The following ATP11C variants were observed in gnomAD, a reference collection of about 807,000 sequenced individuals.
ATP11C encodes ATPase phospholipid transporting 11C (ATP11C blood group).
In ATP11C, 36 loss-of-function variants were observed where a neutral mutation model predicts 97.4. The ratio of observed to expected loss-of-function variants is 0.37; its 90% confidence interval spans 0.28 to 0.49. ATP11C has a LOEUF of 0.49. Ranked by LOEUF, ATP11C falls within the 20% of genes least tolerant of loss-of-function variation. The pLI, the probability that ATP11C is intolerant of heterozygous loss-of-function variation, is 0.98. For missense variants in ATP11C, 730 were observed against 824.6 expected, an observed-to-expected ratio of 0.89 and a Z score of 1.40; for synonymous variants, 275 against 290.9, an observed-to-expected ratio of 0.95 and a Z score of 0.56.
At chrX:139,785,402 G>T in intron 15 of ATP11C, 103 bp from the exon 16 acceptor site, 1 of 571,396 alleles carries the variant, frequency 1.8e-6, no homozygotes, top group Non-Finnish European at 2.8e-6. Flanking sequence ...TCAACAGATA[G>T]CACTGGTTGT....
intron 26 of ATP11C, among the ~76,000 whole-genome samples, 197 bp downstream of exon 26, chrX:139,743,362 G>GA (rs771600598): frequency 2.7e-5 from 3 of 110,086 alleles, no homozygotes; most frequent in African/African-American, 6.6e-5. Context: ...ATATACTGGG[G>GA]AAAAAACTGA....
At position 139,835,147 on chromosome X, in the gene ATP11C, T is replaced by C. The variant is rs567212911; in HGVS notation, c.28-8324A>G. ...ACTCAAGGTTATGAGGTGAGATCAG[T>C]GTTGTATTTGTGACAATTTCTATCC... is the stretch of plus-strand genomic sequence containing the variant. On this transcript the variant is annotated intron_variant, in intron 1 of 29. Coordinates refer to ENST00000682941, the MANE Select transcript of ATP11C (RefSeq NM_001353812.2). Among the ~76,000 whole-genome samples the C allele has an allele frequency of 7.4e-4, 83 of 111,890 alleles. No individual in the cohort carries two copies. The South Asian group carries it at 0.013, about 18-fold the overall frequency.
chrX:139,918,288 T>C (rs910073321), intron 1 of ATP11C, among the ~76,000 whole-genome samples: 1 of 111,208 alleles, frequency 9.0e-6, no homozygotes, highest in Non-Finnish European at 1.9e-5. Flanking sequence ...AATATATATA[T>C]ACGCAATGAA....
intron 3 of ATP11C, 51 bp from the exon 4 acceptor site, chrX:139,816,994 C>A: frequency 1.2e-6 from 1 of 810,284 alleles, no homozygotes. Context: ...GTCATTAACT[C>A]ATATGCAGCA....
chrX:139,903,462 A>T (rs1392469010), intron 1 of ATP11C, among the ~76,000 whole-genome samples: 1 of 109,949 alleles, frequency 9.1e-6, no homozygotes, highest in African/African-American at 3.3e-5. Context: ...GTAAGCTTCC[A>T]GATAGCTGAC....
chrX:139,727,566 A>G lies in ATP11C; in HGVS notation c.*1400T>C, dbSNP rs1300298388. The G allele has an allele frequency of 9.0e-6, 1 of 111,206 alleles. No homozygotes were observed. Among genetic ancestry groups the G allele is most frequent in the Non-Finnish European group, 1.9e-5 (1 of 52,837 alleles). 9.2% of individuals were successfully genotyped at this position (111,206 alleles called of 1,213,427 possible). On this transcript the variant is annotated 3_prime_UTR_variant, in exon 30 of 30. Transcript: ENST00000682941. ...TATATGTGGAAGAATCAAATGTGCCATATGGACTATATAAATATAATACAG... is the reference window on the plus strand; with the variant it reads ...TATATGTGGAAGAATCAAATGTGCCGTATGGACTATATAAATATAATACAG...
At chrX:139,891,173 T>C (rs1250828059) in intron 1 of ATP11C, among the ~76,000 whole-genome samples, 1 of 80,778 alleles carries the variant, frequency 1.2e-5, no homozygotes, top group African/African-American at 4.7e-5. Context: ...GAAAGATGAT[T>C]CCAAAAGCAA....
chrX:139,858,981 A>T (rs2084138394), intron 1 of ATP11C, among the ~76,000 whole-genome samples: 1 of 112,776 alleles, frequency 8.9e-6, no homozygotes, highest in Non-Finnish European at 1.9e-5. Flanking sequence ...AAGCACTGGT[A>T]TTAGTACTTT....
intron 1 of ATP11C, among the ~76,000 whole-genome samples, chrX:139,850,000 G>A (rs1569479381): frequency 8.9e-6 from 1 of 111,782 alleles, no homozygotes; most frequent in East Asian, 2.8e-4. Flanking sequence ...CTCAACCTTT[G>A]ACTTCCTACC....
intron 5 of ATP11C, among the ~76,000 whole-genome samples, chrX:139,813,403 A>G (rs2083218500): frequency 8.9e-6 from 1 of 111,990 alleles, no homozygotes; most frequent in Admixed American, 9.5e-5. Flanking sequence ...TTACCATACA[A>G]TTCAGCACTT....
intron 13 of ATP11C, among the ~76,000 whole-genome samples, chrX:139,789,029 C>T (rs1190230101): frequency 2.7e-5 from 3 of 110,305 alleles, no homozygotes; most frequent in Non-Finnish European, 5.7e-5. Flanking sequence ...GGTGAAACTC[C>T]GTTTCTACTA....
intron 1 of ATP11C, among the ~76,000 whole-genome samples, chrX:139,889,666 GAACT>G (rs1004997140): frequency 9.8e-5 from 11 of 111,964 alleles, no homozygotes; most frequent in Non-Finnish European, 1.9e-4. Flanking sequence ...CAACTGATTT[GAACT>G]GAAAAGGCTG....
chrX:139,806,535 G>A (rs1384270655), intron 5 of ATP11C, among the ~76,000 whole-genome samples: 2 of 111,615 alleles, frequency 1.8e-5, no homozygotes, highest in African/African-American at 3.3e-5. Context: ...AGAAGGAAGA[G>A]ATGGCTACCA....
chrX:139,742,874 AAAATATATATATAT>A (rs1197393740), intron 26 of ATP11C, among the ~76,000 whole-genome samples: 550 of 24,174 alleles, frequency 0.023, 3 homozygotes, highest in South Asian at 0.048. Flanking sequence ...TAAAAAAAAA[AAAATATATATATAT>A]ATATATATAT....
rs757149687 is a variant in ATP11C, at chrX:139,878,132, T to C, written c.28-51309A>G. 3.6e-5 allele frequency among the ~76,000 whole-genome samples: 4 copies of C among 112,583 alleles called. No individual in the cohort carries two copies. In the South Asian group the frequency reaches 1.5e-3, roughly 41 times the overall value. The stretch of plus-strand genomic sequence containing the variant: ...CTGAATCTACCCTTTCTTAGCGTTA[T>C]AACTTTAACTCATTTAACTTCTCTA... On this transcript the variant is annotated intron_variant, in intron 1 of 29. Transcript: ENST00000682941.
chrX:139,760,897 T>A (rs2082024760), intron 22 of ATP11C, among the ~76,000 whole-genome samples: 2 of 112,179 alleles, frequency 1.8e-5, no homozygotes, highest in Admixed American at 1.9e-4. Context: ...AGGTTTCTTT[T>A]GGAAATGATA....
intron 1 of ATP11C, among the ~76,000 whole-genome samples, chrX:139,845,194 A>T (rs2083891297): frequency 9.0e-6 from 1 of 110,895 alleles, no homozygotes; most frequent in South Asian, 3.9e-4. Flanking sequence ...TCAGCTCAAA[A>T]CAGGCTTCCA....
At chrX:139,869,849 G>A (rs767791468) in intron 1 of ATP11C, among the ~76,000 whole-genome samples, 17 of 96,988 alleles carry the variant, frequency 1.8e-4, no homozygotes, top group Admixed American at 1.1e-3. Context: ...GAAGGTGAAC[G>A]TGGGAAATGA....
intron 1 of ATP11C, among the ~76,000 whole-genome samples, chrX:139,898,255 T>G (rs756054763): frequency 1.8e-5 from 2 of 111,640 alleles, no homozygotes; most frequent in Admixed American, 9.6e-5. Flanking sequence ...AAAAAGCACG[T>G]GTAGGGCTGT....
Sources: gnomAD v4.1 joint callset for allele counts (sites outside exome capture counted in the v4.1 genomes callset) on GRCh38, gnomAD v4.1.1 for gene constraint, MANE v1.5 for transcripts, NCBI Gene and HGNC (gene_info 2026-07-23, HGNC 2026-07-21) for gene names.